The following MAGI2 variants were observed in gnomAD, a reference collection of about 807,000 sequenced individuals.
MAGI2 encodes membrane associated guanylate kinase, WW and PDZ domain containing 2.
MAGI2 carries 35 observed loss-of-function variants against 133.3 expected under a neutral mutation model. The observed-to-expected ratio is 0.26, with a 90% CI of 0.20 to 0.35. The LOEUF is 0.35. MAGI2 is among the 10% of genes least tolerant of loss of function. The pLI is 1.00. For missense variants in MAGI2, 1,636 were observed against 1,863.4 expected (o/e 0.88, Z 2.25); for synonymous variants, 729 against 710.6 (o/e 1.03, Z -0.41).
intron 2 of MAGI2, among the ~76,000 whole-genome samples, chr7:78,845,214 C>A (rs1792484822): frequency 6.6e-6 from 1 of 151,906 alleles, no homozygotes; most frequent in Non-Finnish European, 1.5e-5. Context: ...AATCACATGA[C>A]CATTGTCTTT....
chr7:78,637,399 T>C (rs529897163), intron 2 of MAGI2, among the ~76,000 whole-genome samples: 18 of 151,732 alleles, frequency 1.2e-4, no homozygotes, highest in African/African-American at 4.1e-4. Flanking sequence ...AGCTTGACTA[T>C]AGCTCACCAG....
intron 6 of MAGI2, among the ~76,000 whole-genome samples, chr7:78,409,443 G>T (rs1797674700): frequency 6.6e-6 from 1 of 152,018 alleles, no homozygotes; most frequent in Admixed American, 6.6e-5. Flanking sequence ...CAAAGCCTGC[G>T]CTTTCGCACT....
At chr7:78,669,196 AGT>A (rs1814021738) in intron 2 of MAGI2, among the ~76,000 whole-genome samples, 1 of 152,200 alleles carries the variant, frequency 6.6e-6, no homozygotes, top group African/African-American at 2.4e-5. Context: ...AGAAGAAAAG[AGT>A]GAAGAATCAA....
chr7:78,614,747 T>C (rs1370931666), intron 3 of MAGI2: 1 of 152,178 alleles, frequency 6.6e-6, no homozygotes, highest in Non-Finnish European at 1.5e-5. Context: ...AGAAGGTAGT[T>C]AAAATATTTT....
intron 3 of MAGI2, among the ~76,000 whole-genome samples, chr7:78,522,316 A>T (rs961769915): frequency 6.6e-6 from 1 of 152,198 alleles, no homozygotes; most frequent in Non-Finnish European, 1.5e-5. Flanking sequence ...AATCATTCTT[A>T]TTTATTCCCA....
At chr7:78,614,287 G>GAAAAAAA (rs200261510) in intron 3 of MAGI2, 1 of 74,388 alleles carries the variant, frequency 1.3e-5, no homozygotes. Context: ...AAAAGTGAAA[G>GAAAAAAA]AAAAAAAAAA....
intron 9 of MAGI2, among the ~76,000 whole-genome samples, chr7:78,339,796 G>A (rs1790161827): frequency 6.6e-6 from 1 of 152,152 alleles, no homozygotes; most frequent in African/African-American, 2.4e-5. Flanking sequence ...AGAAAATTAT[G>A]TACACATGAC....
intron 1 of MAGI2, among the ~76,000 whole-genome samples, chr7:79,313,769 A>G (rs1039809704): frequency 1.3e-5 from 2 of 151,474 alleles, no homozygotes; most frequent in Non-Finnish European, 2.9e-5. Flanking sequence ...TGTGCTAGCC[A>G]ATTTAGATAC....
At chr7:79,347,939 A>T (rs1219272381) in intron 1 of MAGI2, among the ~76,000 whole-genome samples, 1 of 151,942 alleles carries the variant, frequency 6.6e-6, no homozygotes, top group Non-Finnish European at 1.5e-5. Flanking sequence ...CGTATACATT[A>T]TCTTCTGTTG....
intron 6 of MAGI2, among the ~76,000 whole-genome samples, chr7:78,411,737 G>A (rs1225243395): frequency 6.6e-6 from 1 of 151,846 alleles, no homozygotes; most frequent in Non-Finnish European, 1.5e-5. Context: ...AGTATCTTTT[G>A]GCCCTTTAAT....
At chr7:78,037,346 C>T (rs1810337816) in intron 21 of MAGI2, among the ~76,000 whole-genome samples, 3 of 152,144 alleles carry the variant, frequency 2.0e-5, no homozygotes. Context: ...CTTTCTACTC[C>T]TGTGTTGTGA....
At chr7:78,475,639 A>C (rs1310707973) in intron 6 of MAGI2, among the ~76,000 whole-genome samples, 1 of 151,958 alleles carries the variant, frequency 6.6e-6, no homozygotes, top group Non-Finnish European at 1.5e-5. Context: ...AGCTTAATAG[A>C]ATAATGAGAA....
intron 1 of MAGI2, among the ~76,000 whole-genome samples, chr7:79,016,239 T>G (rs947099389): frequency 2.0e-5 from 3 of 151,978 alleles, no homozygotes; most frequent in Non-Finnish European, 4.4e-5. Flanking sequence ...CTTGCACCCT[T>G]AGGAAACTTA....
chr7:79,285,196 C>G (rs952216541), intron 1 of MAGI2, among the ~76,000 whole-genome samples: 2 of 152,014 alleles, frequency 1.3e-5, no homozygotes, highest in African/African-American at 4.8e-5. Context: ...TTGCATTAAA[C>G]AAATTAAAGT....
chr7:78,461,670 G>A (rs1408275099), intron 6 of MAGI2, among the ~76,000 whole-genome samples: 1 of 151,792 alleles, frequency 6.6e-6, no homozygotes, highest in Non-Finnish European at 1.5e-5. Context: ...CCAGCACTTT[G>A]GGAGGCTGAG....
intron 18 of MAGI2, among the ~76,000 whole-genome samples, chr7:78,132,412 G>A (rs182848587): frequency 1.1e-3 from 163 of 152,272 alleles, no homozygotes; most frequent in Admixed American, 3.9e-3. Flanking sequence ...ATGACTTCCC[G>A]CTGCACTTAA....
intron 1 of MAGI2, among the ~76,000 whole-genome samples, chr7:79,057,685 A>G (rs17151896): frequency 0.048 from 7,363 of 152,148 alleles, 521 homozygotes; most frequent in African/African-American, 0.16. Context: ...ATAAGTTTGT[A>G]TTAATGCTTA....
In MAGI2 at chr7:79,184,939, C is replaced by G. The variant is rs549048307; in HGVS notation, c.302-177733G>C. Among the ~76,000 whole-genome samples the G allele has an allele frequency of 1.3e-5, 2 of 151,612 alleles. 1 individual carries two copies. Among genetic ancestry groups the G allele is most frequent in the South Asian group, 4.2e-4 (2 of 4,816 alleles). On this transcript the variant is annotated intron_variant, in intron 1 of 21. Transcript: ENST00000354212. ...AAAAAAACAGGAAAATATGGCAACA[C>G]AATTAATGGCACCAATCAATGAAGG...
At chr7:78,864,136 T>G (rs1734827653) in intron 2 of MAGI2, among the ~76,000 whole-genome samples, 1 of 152,230 alleles carries the variant, frequency 6.6e-6, no homozygotes, top group South Asian at 2.1e-4. Flanking sequence ...AATATGATAT[T>G]GCCAACTAAA....
Sources: gnomAD v4.1 joint callset for allele counts (sites outside exome capture counted in the v4.1 genomes callset) on GRCh38, gnomAD v4.1.1 for gene constraint, MANE v1.5 for transcripts, NCBI Gene and HGNC (gene_info 2026-07-23, HGNC 2026-07-21) for gene names.